The following SLF1 variants were observed in gnomAD, a reference collection of about 807,000 sequenced individuals.
SLF1 encodes SMC5/6 complex localization factor 1, also known as SMC5-SMC6 complex localization factor protein 1.
Under a neutral mutation model 123.0 loss-of-function variants are expected in SLF1, and 105 were observed. The observed-to-expected ratio is 0.85, with a 90% CI of 0.73 to 1.00. The LOEUF (loss-of-function observed/expected upper bound fraction) is 1.00, where lower values mean the gene tolerates loss of function less well. SLF1 is among the 50% of genes least tolerant of loss of function. The pLI is 0.00. For synonymous variants in SLF1, 434 were observed against 406.6 expected, an observed-to-expected ratio of 1.07 and a Z score of -0.81; for missense variants, 1,239 against 1,223.0, an observed-to-expected ratio of 1.01 and a Z score of -0.20.
In SLF1 at chr5:94,665,927, C is replaced by T. The variant is rs762719715; in HGVS notation, c.1435C>T (p.Pro479Ser). 2 of 1,551,010 alleles carry T rather than the reference C, an allele frequency of 1.3e-6. No individual in the cohort carries two copies. The highest frequency in any genetic ancestry group is 1.7e-6 in the Non-Finnish European group (2 of 1,146,274). The change falls in exon 12 of 21, where the codon CCT becomes TCT. Residue 479 changes from proline (P) to serine (S), a missense_variant. Physicochemically the swap from Pro to Ser is moderately conservative, Grantham distance 74 (BLOSUM62 -1). Coordinates refer to ENST00000265140, the MANE Select transcript of SLF1 (RefSeq NM_032290.4). ...GTCAGCTCTTCTTCACCTGCATCCTCCTTGGAAGTCTCCAGCCATGTCGAG... is the reference window on the plus strand; with the variant it reads ...GTCAGCTCTTCTTCACCTGCATCCTTCTTGGAAGTCTCCAGCCATGTCGAG... ...ILSALLHLHP[P>S]WKSPAMSRYY...
chr5:94,688,572 A>G lies in SLF1; in HGVS notation c.2188A>G (p.Lys730Glu). 2 of 1,614,120 alleles carry G rather than the reference A, an allele frequency of 1.2e-6. No individual in the cohort carries two copies. Among genetic ancestry groups the G allele is most frequent in the Non-Finnish European group, 1.7e-6 (2 of 1,179,980 alleles). The change falls in exon 17 of 21, where the codon AAG becomes GAG. Residue 730 changes from lysine to glutamate, a missense_variant. Coordinates refer to ENST00000265140, the MANE Select transcript of SLF1 (RefSeq NM_032290.4). ...VLGSGKIQVS[K>E]KIGQRPCFDS... ...TGGGTCTGGAAAGATTCAGGTGTCAAAGAAAATAGGACAGCGGCCTTGTTT... is the reference window on the plus strand; with the variant it reads ...TGGGTCTGGAAAGATTCAGGTGTCAGAGAAAATAGGACAGCGGCCTTGTTT...
At chr5:94,665,232 A>G (rs1749602452) in intron 11 of SLF1, among the ~76,000 whole-genome samples, 1 of 151,278 alleles carries the variant, frequency 6.6e-6, no homozygotes, top group African/African-American at 2.4e-5. Context: ...CCAAATACAG[A>G]ATACTGTATT....
rs1561484518 is a variant in SLF1, at chr5:94,695,508, G to A, written c.*196G>A. The A allele has an allele frequency of 2.2e-6, 1 of 451,278 alleles. No homozygotes were observed. The highest frequency in any genetic ancestry group is 4.0e-5 in the East Asian group (1 of 25,178). The allele number at this position is 451,278 out of a possible 1,614,324, so 28.0% of individuals were successfully genotyped here. A position where few individuals can be genotyped will look rare whatever the true frequency, so the allele number is the denominator to read the frequency against. On this transcript the variant is annotated 3_prime_UTR_variant, in exon 21 of 21. Coordinates refer to ENST00000265140, the MANE Select transcript of SLF1 (RefSeq NM_032290.4). ...ATGGGCTTCTGACTTTTTCCAGGGT[G>A]TAGAATTTGACTCAAAAGTAAAAAT...
chr5:94,626,602 T>G (rs1792270852), intron 1 of SLF1, among the ~76,000 whole-genome samples: 1 of 152,194 alleles, frequency 6.6e-6, no homozygotes, highest in South Asian at 2.1e-4. Context: ...GCTTTTTTAT[T>G]GAGTAAACAT....
chr5:94,678,901 G>T lies in SLF1; in HGVS notation c.1921G>T (p.Val641Leu). ...CCTTGGTCTTAAGATGGGTAGAAAT[G>T]TGATGCGACACATGTCTGATGACTT... ...IFLGLKMGRNVMRHMSDDLGS... is the reference protein window; with the variant it reads ...IFLGLKMGRNLMRHMSDDLGS... Residue 641 changes from valine (V) to leucine (L), a missense_variant, in exon 15 of 21, where the codon GTG (valine) becomes TTG (leucine). Val to Leu is a conservative substitution (Grantham distance 32). Transcript: ENST00000265140. 1 of 1,613,818 alleles carries T rather than the reference G, an allele frequency of 6.2e-7. No individual in the cohort carries two copies. Among genetic ancestry groups the T allele is most frequent in the South Asian group, 1.1e-5 (1 of 91,068 alleles).
chr5:94,675,906 T>TG (rs1750997688), intron 14 of SLF1, among the ~76,000 whole-genome samples: 1 of 131,642 alleles, frequency 7.6e-6, no homozygotes, highest in Non-Finnish European at 1.6e-5. Context: ...ACTGGTTGAT[T>TG]TTTTTTTTTT....
At chr5:94,656,994 A>T (rs1192746676) in intron 9 of SLF1, among the ~76,000 whole-genome samples, 1 of 148,840 alleles carries the variant, frequency 6.7e-6, no homozygotes, top group Admixed American at 6.7e-5. Context: ...TTTATTATTT[A>T]TTTAAAATTT....
intron 12 of SLF1, among the ~76,000 whole-genome samples, chr5:94,667,104 T>C (rs796943406): frequency 2.6e-5 from 4 of 152,266 alleles, no homozygotes; most frequent in African/African-American, 7.2e-5. Flanking sequence ...TTGTGATATA[T>C]TTAAAGTGAG....
At position 94,678,943 on chromosome 5, in the gene SLF1, C is replaced by G. The variant is rs1751429373; in HGVS notation, c.1963C>G (p.Leu655Val). ...TGATGACTTAGGAAGTTATGTTTCT[C>G]TTTCGTGTGATGGTAAGTTTGTCTA... ...MSDDLGSYVS[L>V]SCDDFSSQEL... Residue 655 changes from leucine (L) to valine (V), a missense_variant, in exon 15 of 21, where the codon CTT becomes GTT. Leu to Val is a conservative substitution (Grantham distance 32, BLOSUM62 1). Coordinates refer to ENST00000265140, the MANE Select transcript of SLF1 (RefSeq NM_032290.4). 4 of 1,612,612 alleles carry G rather than the reference C, an allele frequency of 2.5e-6. No homozygotes were observed. Among genetic ancestry groups the G allele is most frequent in the Non-Finnish European group, 3.4e-6 (4 of 1,179,368 alleles).
chr5:94,681,268 T>C (rs1045171737), intron 15 of SLF1, among the ~76,000 whole-genome samples: 5 of 152,206 alleles, frequency 3.3e-5, no homozygotes. Flanking sequence ...TAGCTGGGGT[T>C]ATAGGTGTAT....
At chr5:94,635,051 C>A (rs938611736) in intron 4 of SLF1, among the ~76,000 whole-genome samples, 1 of 152,164 alleles carries the variant, frequency 6.6e-6, no homozygotes, top group Non-Finnish European at 1.5e-5. Context: ...TATGTAACCT[C>A]ACTTTCCTGT....
At chr5:94,688,032 A>G (rs1385965227) in intron 16 of SLF1, among the ~76,000 whole-genome samples, 3 of 126,638 alleles carry the variant, frequency 2.4e-5, no homozygotes, top group African/African-American at 9.2e-5. Context: ...CTATCTTTAG[A>G]TATTAATATC....
At chr5:94,664,043 C>A (rs1217022239) in intron 11 of SLF1, 135 bp downstream of exon 11, 3 of 775,210 alleles carry the variant, frequency 3.9e-6, no homozygotes, top group African/African-American at 1.8e-5. Flanking sequence ...TAATGCAGTA[C>A]CCATTTATTA....
At chr5:94,643,941 C>T (rs544222057) in intron 5 of SLF1, among the ~76,000 whole-genome samples, 23 of 152,112 alleles carry the variant, frequency 1.5e-4, no homozygotes, top group Admixed American at 1.1e-3. Flanking sequence ...TGTCCAAAAA[C>T]GACCTTGTTA....
At chr5:94,656,338 A>T (rs1384834735) in intron 9 of SLF1, among the ~76,000 whole-genome samples, 1 of 151,808 alleles carries the variant, frequency 6.6e-6, no homozygotes, top group Non-Finnish European at 1.5e-5. Context: ...ACTATGATCA[A>T]TACACTTGAT....
At chr5:94,679,883 A>T (rs1011435172) in intron 15 of SLF1, among the ~76,000 whole-genome samples, 8 of 152,154 alleles carry the variant, frequency 5.3e-5, no homozygotes, top group African/African-American at 1.9e-4. Flanking sequence ...CCTTATGTAG[A>T]TTCCCAAACT....
chr5:94,686,835 T>G (rs1752484595), intron 16 of SLF1, 117 bp downstream of exon 16: 1 of 1,184,268 alleles, frequency 8.4e-7, no homozygotes, highest in Non-Finnish European at 1.1e-6. Context: ...TCGCCCAGGC[T>G]GGAGTGCAGT....
At chr5:94,619,978 A>G (rs1416422324) in intron 1 of SLF1, 2 of 152,182 alleles carry the variant, frequency 1.3e-5, no homozygotes, top group Non-Finnish European at 2.9e-5. Flanking sequence ...TCCCAGGTTC[A>G]AGCAATTCTC....
chr5:94,626,385 T>G (rs1792247271), intron 1 of SLF1, among the ~76,000 whole-genome samples: 1 of 152,224 alleles, frequency 6.6e-6, no homozygotes, highest in Non-Finnish European at 1.5e-5. Context: ...ATCCCTATTA[T>G]GTGCACTTAA....
Sources: allele counts gnomAD v4.1 joint callset (sites outside exome capture counted in the v4.1 genomes callset), GRCh38; gene constraint gnomAD v4.1.1; transcripts MANE v1.5; gene names NCBI Gene and HGNC (gene_info 2026-07-23, HGNC 2026-07-21).